The following KATNAL2 variants were observed in gnomAD, a reference collection of about 807,000 sequenced individuals.
KATNAL2 encodes katanin p60 ATPase-containing subunit A-like 2.
Under a neutral mutation model 76.3 loss-of-function variants are expected in KATNAL2, and 52 were observed. That is an observed-to-expected ratio of 0.68 (90% CI 0.55 to 0.86). KATNAL2 has a LOEUF of 0.86. Among genes scored for constraint, KATNAL2 ranks in the 40% least tolerant of loss-of-function variants. KATNAL2 has a pLI of 0.00. For missense variants in KATNAL2, 660 were observed against 668.9 expected, an observed-to-expected ratio of 0.99 and a Z score of 0.15; for synonymous variants, 243 against 244.2, an observed-to-expected ratio of 1.00 and a Z score of 0.05.
chr18:47,038,573 C>G (rs746809898), intron 3 of KATNAL2, among the ~76,000 whole-genome samples: 4 of 152,090 alleles, frequency 2.6e-5, no homozygotes, highest in Non-Finnish European at 4.4e-5. Flanking sequence ...GCGCATTTTT[C>G]TCTTTGATAG....
chr18:46,949,920 G>A (rs116277318), intron 3 of KATNAL2, among the ~76,000 whole-genome samples: 1,989 of 152,174 alleles, frequency 0.013, 41 homozygotes, highest in African/African-American at 0.044. Flanking sequence ...TTAAAATAGT[G>A]CCACTCTTTT....
chr18:47,095,167 T>C (rs2063175276), intron 15 of KATNAL2, among the ~76,000 whole-genome samples: 1 of 152,224 alleles, frequency 6.6e-6, no homozygotes, highest in Non-Finnish European at 1.5e-5. Flanking sequence ...TGTGGGTTTA[T>C]GCCATTCAAA....
chr18:47,034,262 C>A (rs754843811), intron 3 of KATNAL2: 4 of 1,613,864 alleles, frequency 2.5e-6, no homozygotes, highest in Admixed American at 3.3e-5. Flanking sequence ...TCTTTCTCCT[C>A]GGGCGACAGG....
intron 1 of KATNAL2, among the ~76,000 whole-genome samples, chr18:46,935,583 C>T (rs1013098998): frequency 2.6e-5 from 4 of 151,818 alleles, no homozygotes; most frequent in African/African-American, 4.8e-5. Context: ...GCCACTGCAA[C>T]AGGATAGTTT....
chr18:46,945,847 T>A (rs1214398522), intron 1 of KATNAL2, among the ~76,000 whole-genome samples: 2 of 152,176 alleles, frequency 1.3e-5, no homozygotes, highest in East Asian at 3.8e-4. Context: ...ATAAAGAATA[T>A]TAAATAATCT....
chr18:47,051,037 G>C (rs764790277), intron 4 of KATNAL2, among the ~76,000 whole-genome samples: 1 of 152,120 alleles, frequency 6.6e-6, no homozygotes, highest in Non-Finnish European at 1.5e-5. Flanking sequence ...CCATCTTCTC[G>C]GGCTTGGGTA....
At chr18:46,943,530 C>G (rs1046170788) in intron 1 of KATNAL2, among the ~76,000 whole-genome samples, 65 of 152,188 alleles carry the variant, frequency 4.3e-4, no homozygotes, top group African/African-American at 1.4e-3. Context: ...TGACAGTTTA[C>G]AAATGCCATG....
Position 46,948,447 on chromosome 18 carries a change from G to A in KATNAL2, c.51+1524G>A, listed in dbSNP as rs1004365042. Among the ~76,000 whole-genome samples the A allele has an allele frequency of 7.1e-5, 10 of 141,414 alleles. No individual in the cohort carries two copies. The East Asian group carries it at 8.3e-4, about 12-fold the overall frequency. 92.8% of individuals were successfully genotyped at this position (141,414 alleles called of 152,430 possible). A position where few individuals can be genotyped will look rare whatever the true frequency, so the allele number is the denominator to read the frequency against. ...TCTTCTTTTTTTTTTTTTTTGAGTC[G>A]GAGTTTTGCTCTTGTTGCCCGGGCT... is the stretch of plus-strand genomic sequence containing the variant. On this transcript the variant is annotated intron_variant, in intron 3 of 17. Coordinates refer to ENST00000683218, the MANE Select transcript of KATNAL2 (RefSeq NM_001387690.1).
intron 3 of KATNAL2, among the ~76,000 whole-genome samples, chr18:46,961,668 C>A (rs2059961991): frequency 6.6e-6 from 1 of 152,168 alleles, no homozygotes. Flanking sequence ...CATCCCTGAC[C>A]ATATTTTTGA....
At chr18:47,034,587 C>T (rs756635546) in intron 3 of KATNAL2, 2 of 1,614,164 alleles carry the variant, frequency 1.2e-6, no homozygotes, top group South Asian at 1.1e-5. Context: ...ACGATTTGTG[C>T]CCCTTGCTGT....
intron 4 of KATNAL2, among the ~76,000 whole-genome samples, chr18:47,049,003 TG>T (rs1479890937): frequency 6.6e-6 from 1 of 151,800 alleles, no homozygotes; most frequent in East Asian, 1.9e-4. Flanking sequence ...CCCGGCTAAT[TG>T]TTTTGTATTT....
intron 1 of KATNAL2, among the ~76,000 whole-genome samples, chr18:46,931,723 AAG>A (rs1219340493): frequency 2.0e-5 from 3 of 151,404 alleles, no homozygotes; most frequent in African/African-American, 4.8e-5. Flanking sequence ...AGAGAGAAAA[AAG>A]AGAGAGAGAG....
chr18:47,071,684 C>G (rs1407855612), intron 13 of KATNAL2, among the ~76,000 whole-genome samples: 1 of 151,970 alleles, frequency 6.6e-6, no homozygotes, highest in East Asian at 1.9e-4. Flanking sequence ...CTTACCTAGA[C>G]AGAAGAGGAA....
At chr18:47,099,820 G>A (rs554385413) in intron 16 of KATNAL2, among the ~76,000 whole-genome samples, 18 of 152,296 alleles carry the variant, frequency 1.2e-4, no homozygotes, top group Admixed American at 9.8e-4. Flanking sequence ...ATTATCACTG[G>A]TGTCCATTCC....
intron 6 of KATNAL2, among the ~76,000 whole-genome samples, chr18:47,055,468 A>G (rs562813954): frequency 8.5e-4 from 129 of 152,308 alleles, no homozygotes; most frequent in African/African-American, 3.0e-3. Context: ...CTCAGAAGGA[A>G]GGGCCTAGGA....
intron 1 of KATNAL2, among the ~76,000 whole-genome samples, chr18:46,919,408 C>T (rs2058386539): frequency 1.3e-5 from 2 of 152,082 alleles, no homozygotes; most frequent in South Asian, 4.2e-4. Flanking sequence ...ATCGCTTGAA[C>T]CCTGGAGGCG....
chr18:47,040,213 G>A (rs1043975590), intron 3 of KATNAL2, among the ~76,000 whole-genome samples: 1 of 152,188 alleles, frequency 6.6e-6, no homozygotes, highest in Admixed American at 6.5e-5. Context: ...TGGGAAATTA[G>A]GTTTGAGAAA....
intron 15 of KATNAL2, among the ~76,000 whole-genome samples, chr18:47,092,048 C>T (rs918620903): frequency 5.9e-5 from 9 of 152,142 alleles, no homozygotes; most frequent in Non-Finnish European, 8.8e-5. Flanking sequence ...CAAGGCCCAA[C>T]CCTCCATATT....
intron 3 of KATNAL2, among the ~76,000 whole-genome samples, chr18:47,037,642 T>G (rs1448877425): frequency 6.6e-6 from 1 of 152,232 alleles, no homozygotes; most frequent in East Asian, 1.9e-4. Context: ...TTTGTAAGAC[T>G]GCATTCTGTG....
Sources: gnomAD v4.1 joint callset for allele counts (sites outside exome capture counted in the v4.1 genomes callset) on GRCh38, gnomAD v4.1.1 for gene constraint, MANE v1.5 for transcripts, NCBI Gene and HGNC (gene_info 2026-07-23, HGNC 2026-07-21) for gene names.